The following CCNB3 variants were observed in gnomAD, a reference collection of about 807,000 sequenced individuals.
CCNB3 encodes G2/mitotic-specific cyclin-B3.
In CCNB3, 12 loss-of-function variants were observed where a neutral mutation model predicts 68.0. The ratio of observed to expected loss-of-function variants is 0.18; its 90% CI spans 0.11 to 0.29. The LOEUF is 0.29. CCNB3 is among the 10% of genes least tolerant of loss of function. CCNB3 has a pLI of 1.00. For missense variants in CCNB3, 904 were observed against 993.1 expected (o/e 0.91, Z 1.21); for synonymous variants, 354 against 388.9 (o/e 0.91, Z 1.06).
chrX:50,351,098 G>A (rs1602257121), intron 11 of CCNB3, 143 bp from the exon 12 acceptor site: 6 of 618,117 alleles, frequency 9.7e-6, no homozygotes, highest in South Asian at 5.6e-5. Context: ...ATTGATCAGC[G>A]TCCAGATGGT....
intron 1 of CCNB3, among the ~76,000 whole-genome samples, chrX:50,279,298 ATG>A (rs1457602110): frequency 1.4e-5 from 1 of 71,881 alleles, no homozygotes; most frequent in Non-Finnish European, 2.3e-5. Context: ...ATAAATATAT[ATG>A]AATATTTATA....
chrX:50,225,886 G>T (rs1440180740), intron 1 of CCNB3, among the ~76,000 whole-genome samples: 3 of 103,638 alleles, frequency 2.9e-5, no homozygotes, highest in Admixed American at 1.1e-4. Context: ...TCATGAAACT[G>T]GAGTTTAGGG....
At chrX:50,315,760 A>G (rs11797775) in intron 8 of CCNB3, among the ~76,000 whole-genome samples, 3 of 111,450 alleles carry the variant, frequency 2.7e-5, no homozygotes, top group Non-Finnish European at 5.6e-5. Flanking sequence ...TGTTAGCCAC[A>G]ACCATCTCCC....
intron 4 of CCNB3, among the ~76,000 whole-genome samples, chrX:50,291,265 C>T (rs782389018): frequency 2.7e-5 from 3 of 111,492 alleles, no homozygotes; most frequent in South Asian, 3.8e-4. Context: ...AATGGTTTTG[C>T]GTAAGTAGGA....
At chrX:50,316,731 T>A (rs1342024180) in intron 8 of CCNB3, among the ~76,000 whole-genome samples, 2 of 112,481 alleles carry the variant, frequency 1.8e-5, no homozygotes, top group African/African-American at 3.2e-5. Context: ...CTGGCTTCTT[T>A]CATTCAGTAT....
At chrX:50,208,446 G>A (rs1249146850) in intron 1 of CCNB3, among the ~76,000 whole-genome samples, 1 of 111,814 alleles carries the variant, frequency 8.9e-6, no homozygotes, top group Non-Finnish European at 1.9e-5. Flanking sequence ...TAAGTAAGCT[G>A]ATCAATGAAC....
At chrX:50,288,162 A>G (rs1342930696) in intron 3 of CCNB3, among the ~76,000 whole-genome samples, 1 of 108,674 alleles carries the variant, frequency 9.2e-6, no homozygotes, top group Non-Finnish European at 1.9e-5. Flanking sequence ...ATAAATGTGC[A>G]CAATAAATGT....
chrX:50,342,238 G>T lies in CCNB3; in HGVS notation c.3553G>T (p.Ala1185Ser), dbSNP rs1244316507. The change falls in exon 9 of 13, where the codon GCA (alanine) becomes TCA (serine). Residue 1185 changes from alanine to serine, a missense_variant. Around this residue, in one of 2 missense-constraint regions of CCNB3, gnomAD observed 285 missense variants for 383.4 expected, o/e 0.74. Coordinates refer to ENST00000376042, the MANE Select transcript of CCNB3 (RefSeq NM_033031.3). ...FEMTHETLYLAVKLVDLYLMK... is the reference protein window; with the variant it reads ...FEMTHETLYLSVKLVDLYLMK... Reference sequence around the variant, plus strand: ...GATGACCCATGAGACCCTGTACTTGGCAGTGAAGCTGGTGGATCTCTACCT... The same window carrying T: ...GATGACCCATGAGACCCTGTACTTGTCAGTGAAGCTGGTGGATCTCTACCT... The T allele has an allele frequency of 1.7e-6, 2 of 1,210,108 alleles. No individual in the cohort carries two copies. Among genetic ancestry groups the T allele is most frequent in the Non-Finnish European group, 2.2e-6 (2 of 894,577 alleles).
rs746103844 is a variant in CCNB3 at position 50,281,512 on chromosome X, G to A, written c.-112-3030G>A. Reference sequence around the variant, plus strand: ...GTCGCCTGCCAGTGGGTCCTTGGGCGTCACTCCAGCCCCTTGCTGAATTCT... The same window carrying A: ...GTCGCCTGCCAGTGGGTCCTTGGGCATCACTCCAGCCCCTTGCTGAATTCT... On this transcript the variant is annotated intron_variant, in intron 1 of 12. Coordinates refer to ENST00000376042, the MANE Select transcript of CCNB3 (RefSeq NM_033031.3). 4.5e-5 allele frequency among the ~76,000 whole-genome samples: 5 copies of A among 111,237 alleles called. No homozygotes were observed. The East Asian group carries it at 8.5e-4, about 19-fold the overall frequency.
chrX:50,211,132 G>A (rs1419248129), intron 1 of CCNB3, among the ~76,000 whole-genome samples: 3 of 110,356 alleles, frequency 2.7e-5, no homozygotes, highest in South Asian at 3.9e-4. Flanking sequence ...GCATGGTGGC[G>A]GTCACCTGTA....
chrX:50,349,293 A>T (rs1305246085), intron 11 of CCNB3, among the ~76,000 whole-genome samples: 1 of 112,157 alleles, frequency 8.9e-6, no homozygotes, highest in African/African-American at 3.2e-5. Flanking sequence ...TGGTAAAAGG[A>T]GAGGTGCTAA....
chrX:50,211,490 C>T (rs1227286902), intron 1 of CCNB3, among the ~76,000 whole-genome samples: 1 of 110,902 alleles, frequency 9.0e-6, no homozygotes, highest in African/African-American at 3.3e-5. Context: ...GGTAACATAG[C>T]AAAACCTCGG....
At chrX:50,226,109 T>G (rs1310551597) in intron 1 of CCNB3, among the ~76,000 whole-genome samples, 1 of 78,549 alleles carries the variant, frequency 1.3e-5, no homozygotes, top group African/African-American at 4.8e-5. Context: ...AGAATATGTA[T>G]AAATATATAT....
rs782139898 is a variant in CCNB3, at chrX:50,295,000, G to GA, written c.335+10dup. The GA allele has an allele frequency of 1.7e-6, 2 of 1,195,243 alleles. No homozygotes were observed. The highest frequency in any genetic ancestry group is 3.5e-5 in the African/African-American group (2 of 56,557). On this transcript the variant is annotated splice_region_variant and intron_variant, in intron 5 of 12. Transcript: ENST00000376042. ...ATAAGCGGAATCTAAAATGGTGAGT[G>GA]AAAGGGGACTCAGATGGCATTATTT...
chrX:50,204,826 C>G lies in CCNB3; in HGVS notation c.-237C>G, dbSNP rs573175069. 9.2e-6 allele frequency: 1 copy of G among 109,281 alleles called. No individual in the cohort carries two copies. The highest frequency in any genetic ancestry group is 4.0e-4 in the South Asian group (1 of 2,486). The allele number at this position is 109,281 out of a possible 1,213,427, so 9.0% of individuals were successfully genotyped here. ...GAGGCGGTTGGTCGCCTCTCTCTCT[C>G]TCTCTCTCTGTTCCTCATCTACATT... On this transcript the variant is annotated 5_prime_UTR_variant, in exon 1 of 13. Coordinates refer to ENST00000376042, the MANE Select transcript of CCNB3 (RefSeq NM_033031.3).
At chrX:50,348,857 G>A (rs1227367801) in intron 11 of CCNB3, among the ~76,000 whole-genome samples, 1 of 112,559 alleles carries the variant, frequency 8.9e-6, no homozygotes, top group Non-Finnish European at 1.9e-5. Context: ...CTGGAGCTGA[G>A]GGTCTGGAGG....
intron 1 of CCNB3, among the ~76,000 whole-genome samples, chrX:50,205,784 T>C (rs376552710): frequency 4.7e-5 from 5 of 106,788 alleles, no homozygotes; most frequent in African/African-American, 1.7e-4. Context: ...TGAAACCCCG[T>C]CTCTATTAAC....
intron 1 of CCNB3, among the ~76,000 whole-genome samples, chrX:50,221,964 C>T (rs1935681187): frequency 9.0e-6 from 1 of 111,099 alleles, no homozygotes; most frequent in South Asian, 3.8e-4. Flanking sequence ...GTATTAGATG[C>T]TTATATATTT....
In CCNB3 at chrX:50,309,618, C is replaced by T. The variant is rs375109537; in HGVS notation, c.1449C>T (p.Pro483=). The change falls in exon 6 of 13, where the codon CCC becomes CCT. Residue 483 remains proline (P), a synonymous_variant. Transcript: ENST00000376042. ...AGAAGTGTACCATTGAGGAGGCACC[C>T]CCCACCAAGAAGCCTTTAATTTTAA... The part of the protein sequence containing the change: ...FTKKCTIEEA[P]PTKKPLILKR... 2.7e-5 allele frequency: 33 copies of T among 1,208,913 alleles called. No individual in the cohort carries two copies. The highest frequency in any genetic ancestry group is 3.6e-5 in the Non-Finnish European group (32 of 894,892).
Sources: gnomAD v4.1 joint callset for allele counts (sites outside exome capture counted in the v4.1 genomes callset) on GRCh38, gnomAD v4.1.1 for gene constraint, gnomAD v4.1.1 regional missense constraint, MANE v1.5 for transcripts, NCBI Gene and HGNC (gene_info 2026-07-23, HGNC 2026-07-21) for gene names.